NWD2: variants seen among roughly 807,000 people sequenced by gnomAD.
The protein encoded by NWD2 is NACHT and WD repeat domain-containing protein 2.
In NWD2, 37 loss-of-function variants were observed where a neutral mutation model predicts 132.7. That is an observed-to-expected ratio of 0.28 (90% CI 0.21 to 0.37). The LOEUF (loss-of-function observed/expected upper bound fraction) is 0.37. Among genes scored for constraint, NWD2 ranks in the 10% least tolerant of loss-of-function variants. The pLI is 1.00. For synonymous variants in NWD2, 705 were observed against 803.0 expected (o/e 0.88, Z 2.06); for missense variants, 1,592 against 2,122.4 (o/e 0.75, Z 4.91).
At chr4:37,396,632 C>A (rs960750349) in intron 3 of NWD2, among the ~76,000 whole-genome samples, 1 of 152,198 alleles carries the variant, frequency 6.6e-6, no homozygotes, top group East Asian at 1.9e-4. Flanking sequence ...TAAGCTTCTT[C>A]AGCTCAACAG....
chr4:37,339,384 C>T (rs1719473567), intron 2 of NWD2, among the ~76,000 whole-genome samples: 1 of 152,174 alleles, frequency 6.6e-6, no homozygotes. Context: ...TATTGTTCTT[C>T]CTTTACTTTG....
chr4:37,404,874 G>A (rs1422675827), intron 3 of NWD2, among the ~76,000 whole-genome samples: 1 of 152,166 alleles, frequency 6.6e-6, no homozygotes, highest in East Asian at 1.9e-4. Context: ...GATCTGGTGA[G>A]AACTCACTCA....
intron 2 of NWD2, among the ~76,000 whole-genome samples, chr4:37,345,581 C>T (rs574261260): frequency 2.0e-5 from 3 of 151,788 alleles, no homozygotes; most frequent in South Asian, 2.1e-4. Flanking sequence ...TGTAGGAGTT[C>T]TTTATGTATT....
chr4:37,371,093 T>TTTTTA (rs1720219345), intron 3 of NWD2, among the ~76,000 whole-genome samples: 1 of 148,676 alleles, frequency 6.7e-6, no homozygotes, highest in Non-Finnish European at 1.5e-5. Context: ...TTTTTTTTTT[T>TTTTTA]TTGAGACAGA....
At chr4:37,299,721 A>T (rs966835368) in intron 1 of NWD2, among the ~76,000 whole-genome samples, 1 of 152,182 alleles carries the variant, frequency 6.6e-6, no homozygotes, top group African/African-American at 2.4e-5. Context: ...TGAACCAGGT[A>T]CAAGTAATCC....
In NWD2 at chr4:37,364,863, G is replaced by A. The variant is rs73807502; in HGVS notation, c.357+8381G>A. The stretch of plus-strand genomic sequence containing the variant: ...AAGCCCAGAGAGCTACATTTTGAAC[G>A]GGGCCATATTTTAAACCAAAAATAT... On this transcript the variant is annotated intron_variant, in intron 3 of 6. Transcript: ENST00000309447. 4.8e-3 allele frequency among the ~76,000 whole-genome samples: 737 copies of A among 152,200 alleles called. 9 individuals carry two copies. The highest frequency in any genetic ancestry group is 0.016 in the African/African-American group (685 of 41,536).
At chr4:37,258,624 G>A (rs1049195328) in intron 1 of NWD2, among the ~76,000 whole-genome samples, 3 of 152,230 alleles carry the variant, frequency 2.0e-5, no homozygotes, top group Non-Finnish European at 4.4e-5. Context: ...TCTAGAAACT[G>A]AGGCAGTCCA....
At chr4:37,256,713 G>A (rs1267414012) in intron 1 of NWD2, among the ~76,000 whole-genome samples, 1 of 152,112 alleles carries the variant, frequency 6.6e-6, no homozygotes, top group African/African-American at 2.4e-5. Flanking sequence ...TCTATTTACA[G>A]AAGCAATTTC....
intron 1 of NWD2, among the ~76,000 whole-genome samples, chr4:37,322,640 A>G (rs182949707): frequency 2.6e-5 from 4 of 152,310 alleles, no homozygotes; most frequent in Admixed American, 2.6e-4. Context: ...GATCTGATTT[A>G]CATTTTGGAA....
At chr4:37,317,058 G>A (rs899428441) in intron 1 of NWD2, among the ~76,000 whole-genome samples, 1 of 152,122 alleles carries the variant, frequency 6.6e-6, no homozygotes, top group Non-Finnish European at 1.5e-5. Context: ...CCATTTGTCT[G>A]TGTAGTTTAA....
At chr4:37,373,863 A>G (rs949498068) in intron 3 of NWD2, among the ~76,000 whole-genome samples, 1 of 152,234 alleles carries the variant, frequency 6.6e-6, no homozygotes, top group African/African-American at 2.4e-5. Flanking sequence ...AAGGTGCACT[A>G]AGAAGGTAAT....
chr4:37,306,949 G>A (rs1170954082), intron 1 of NWD2, among the ~76,000 whole-genome samples: 5 of 151,880 alleles, frequency 3.3e-5, no homozygotes, highest in African/African-American at 4.8e-5. Flanking sequence ...ACTTGAACCC[G>A]GGAGGTGGAG....
intron 2 of NWD2, among the ~76,000 whole-genome samples, chr4:37,337,967 A>C (rs1472399778): frequency 6.6e-6 from 1 of 152,128 alleles, no homozygotes; most frequent in South Asian, 2.1e-4. Flanking sequence ...TGGTTGACTC[A>C]TCTGCCACAG....
At chr4:37,424,770 G>A (rs956647514) in intron 3 of NWD2, among the ~76,000 whole-genome samples, 1 of 152,164 alleles carries the variant, frequency 6.6e-6, no homozygotes, top group African/African-American at 2.4e-5. Context: ...ATCCTCACCT[G>A]TCTTTCCTGA....
At chr4:37,295,567 A>G (rs1428903368) in intron 1 of NWD2, among the ~76,000 whole-genome samples, 1 of 152,122 alleles carries the variant, frequency 6.6e-6, no homozygotes, top group African/African-American at 2.4e-5. Context: ...TAAGTATTTA[A>G]TCATCATTTG....
At chr4:37,353,652 G>A (rs1270203835) in intron 2 of NWD2, among the ~76,000 whole-genome samples, 2 of 151,576 alleles carry the variant, frequency 1.3e-5, no homozygotes, top group Non-Finnish European at 2.9e-5. Flanking sequence ...TGATACTTGT[G>A]TATGCTTCAC....
rs1487088497 is a variant in NWD2 at position 37,444,788 on chromosome 4, G to C, written c.2800G>C (p.Glu934Gln). The change falls in exon 7 of 7, where the codon GAG becomes CAG. Residue 934 changes from glutamate (E) to glutamine (Q), a missense_variant. Transcript: ENST00000309447. The surrounding 1 kb of genome is among the most constrained non-coding windows in gnomAD (Gnocchi z 4.8). Reference sequence around the variant, plus strand: ...GCCCAAACTTAGACATCTTCTTTTAGAGTGTGATAAAGATGGGCCCAAATA... The same window carrying C: ...GCCCAAACTTAGACATCTTCTTTTACAGTGTGATAAAGATGGGCCCAAATA... ...SLPKLRHLLL[E>Q]CDKDGPKYCS... 1 of 1,551,908 alleles carries C rather than the reference G, an allele frequency of 6.4e-7. No individual in the cohort carries two copies. Among genetic ancestry groups the C allele is most frequent in the Non-Finnish European group, 8.7e-7 (1 of 1,147,060 alleles).
intron 3 of NWD2, among the ~76,000 whole-genome samples, chr4:37,418,618 G>T (rs1306343620): frequency 9.6e-6 from 1 of 104,062 alleles, no homozygotes; most frequent in East Asian, 2.3e-4. Flanking sequence ...CTTAAATTCT[G>T]TGATCTTTCT....
chr4:37,279,494 C>T (rs1031225210), intron 1 of NWD2, among the ~76,000 whole-genome samples: 1 of 152,124 alleles, frequency 6.6e-6, no homozygotes, highest in Non-Finnish European at 1.5e-5. Context: ...ACTATAACAT[C>T]TAGAATGAAT....
Sources: gnomAD v4.1 joint callset for allele counts (sites outside exome capture counted in the v4.1 genomes callset) on GRCh38, gnomAD v4.1.1 for gene constraint, Gnocchi (gnomAD v3.1) non-coding constraint, MANE v1.5 for transcripts, NCBI Gene and HGNC (gene_info 2026-07-23, HGNC 2026-07-21) for gene names.